CDC42BPA: variants seen among roughly 807,000 people sequenced by gnomAD.
CDC42BPA encodes the protein serine/threonine-protein kinase MRCK alpha.
CDC42BPA carries 80 observed loss-of-function variants against 223.5 expected under a neutral mutation model. That is an observed-to-expected ratio of 0.36 (90% confidence interval 0.30 to 0.43). The LOEUF is 0.43. Ranked by LOEUF, CDC42BPA falls within the 20% of genes least tolerant of loss-of-function variation. The pLI is 1.00. For synonymous variants in CDC42BPA, 694 were observed against 718.6 expected (o/e 0.97, Z 0.55); for missense variants, 1,743 against 2,099.9 (o/e 0.83, Z 3.32).
chr1:227,227,830 A>G (rs1677105542), intron 2 of CDC42BPA, among the ~76,000 whole-genome samples: 1 of 136,118 alleles, frequency 7.3e-6, no homozygotes, highest in African/African-American at 2.8e-5. Context: ...TACAAGGTCC[A>G]TATTAAAAAA....
intron 32 of CDC42BPA, among the ~76,000 whole-genome samples, chr1:227,017,573 A>G (rs1409477067): frequency 6.6e-6 from 1 of 152,190 alleles, no homozygotes; most frequent in Non-Finnish European, 1.5e-5. Context: ...GAGTAAAAAG[A>G]AGGAGCTGTG....
At chr1:227,003,716 C>T (rs1413846744) in intron 35 of CDC42BPA, among the ~76,000 whole-genome samples, 1 of 152,138 alleles carries the variant, frequency 6.6e-6, no homozygotes, top group African/African-American at 2.4e-5. Flanking sequence ...AGTAGCTGAA[C>T]CTAAGTGCAC....
intron 1 of CDC42BPA, among the ~76,000 whole-genome samples, chr1:227,276,451 CG>C (rs1453846843): frequency 6.6e-6 from 1 of 150,932 alleles, no homozygotes; most frequent in Non-Finnish European, 1.5e-5. Context: ...GGAGGGAGGT[CG>C]GGGGGCAGCC....
intron 5 of CDC42BPA, among the ~76,000 whole-genome samples, chr1:227,178,589 G>A (rs1319935561): frequency 2.6e-5 from 4 of 152,192 alleles, no homozygotes; most frequent in East Asian, 1.9e-4. Flanking sequence ...TCTACCTCCC[G>A]GATTCAAGTG....
chr1:227,130,651 T>C (rs1438946342), intron 10 of CDC42BPA, among the ~76,000 whole-genome samples: 1 of 152,002 alleles, frequency 6.6e-6, no homozygotes, highest in African/African-American at 2.4e-5. Context: ...GGTTGGGAGT[T>C]TGAGATCAGC....
intron 2 of CDC42BPA, among the ~76,000 whole-genome samples, chr1:227,231,434 A>G (rs1358199257): frequency 2.0e-5 from 3 of 152,138 alleles, no homozygotes; most frequent in Non-Finnish European, 2.9e-5. Flanking sequence ...ATAGTGCCAC[A>G]ATAAACATAT....
chr1:227,049,169 T>C (rs1239716176), intron 22 of CDC42BPA, among the ~76,000 whole-genome samples: 1 of 151,762 alleles, frequency 6.6e-6, no homozygotes, highest in Non-Finnish European at 1.5e-5. Context: ...ATACAAAAGT[T>C]AATAAAAAAC....
chr1:227,310,693 GTT>G (rs200902466), intron 1 of CDC42BPA, among the ~76,000 whole-genome samples: 44,041 of 143,220 alleles, frequency 0.31, 6,667 homozygotes, highest in East Asian at 0.37. Context: ...TTTGTTTTTT[GTT>G]TTTTTTTTTG....
At chr1:227,134,660 T>C (rs920361708) in intron 10 of CDC42BPA, among the ~76,000 whole-genome samples, 2 of 152,172 alleles carry the variant, frequency 1.3e-5, no homozygotes, top group African/African-American at 4.8e-5. Flanking sequence ...TGTTTGATAC[T>C]CAATAAACAG....
chr1:227,274,629 C>T (rs1686613493), intron 1 of CDC42BPA, among the ~76,000 whole-genome samples: 1 of 152,098 alleles, frequency 6.6e-6, no homozygotes, highest in South Asian at 2.1e-4. Flanking sequence ...CATTAAAATA[C>T]AAAGATTTCA....
chr1:227,290,625 A>C (rs1689534923), intron 1 of CDC42BPA, among the ~76,000 whole-genome samples: 1 of 152,182 alleles, frequency 6.6e-6, no homozygotes, highest in Admixed American at 6.5e-5. Context: ...TGAGCACTAT[A>C]AACAAATTTT....
At chr1:227,272,783 G>C (rs1381203880) in intron 1 of CDC42BPA, among the ~76,000 whole-genome samples, 1 of 149,190 alleles carries the variant, frequency 6.7e-6, no homozygotes, top group Non-Finnish European at 1.5e-5. Flanking sequence ...CATAAACCAA[G>C]AGTATAATGA....
At chr1:227,171,378 T>C (rs919732846) in intron 5 of CDC42BPA, among the ~76,000 whole-genome samples, 11 of 152,186 alleles carry the variant, frequency 7.2e-5, no homozygotes, top group Non-Finnish European at 1.6e-4. Context: ...TCCCAGAACT[T>C]TGGGAGGCAA....
intron 1 of CDC42BPA, among the ~76,000 whole-genome samples, chr1:227,288,504 G>T (rs1689160357): frequency 1.3e-5 from 2 of 152,184 alleles, no homozygotes; most frequent in Admixed American, 1.3e-4. Flanking sequence ...TTCAAGACCA[G>T]CCTAGCCAAC....
chr1:227,143,277 T>C (rs1660036893), intron 8 of CDC42BPA, among the ~76,000 whole-genome samples: 1 of 152,216 alleles, frequency 6.6e-6, no homozygotes, highest in African/African-American at 2.4e-5. Flanking sequence ...ATTATTCATG[T>C]ATTCTGTATT....
Position 227,029,229 on chromosome 1 carries a change from T to C in CDC42BPA, c.3860A>G (p.Asn1287Ser), listed in dbSNP as rs201692012. The C allele has an allele frequency of 2.7e-5, 42 of 1,583,808 alleles. No individual in the cohort carries two copies. The East Asian group carries it at 7.2e-4, about 27-fold the overall frequency. ...GAGTTCAATCTGATGAATCTTCTTATTGTCACCAACTCTAATAATTTCTAA... is the reference window on the plus strand; with the variant it reads ...GAGTTCAATCTGATGAATCTTCTTACTGTCACCAACTCTAATAATTTCTAA... ...TKDEIIRVGD[N>S]KKIHQIELIP... is the part of the protein sequence containing the mutation. Residue 1287 changes from asparagine to serine, a missense_variant, in exon 30 of 37, where the codon AAT becomes AGT. Asn to Ser is a conservative substitution (Grantham distance 46). This residue lies in a region of CDC42BPA where 678 missense variants were observed against 777.5 expected (regional missense o/e 0.87). Transcript: ENST00000366766.
chr1:227,126,718 T>TTA (rs760469419), intron 11 of CDC42BPA, among the ~76,000 whole-genome samples: 7 of 152,182 alleles, frequency 4.6e-5, no homozygotes, highest in Non-Finnish European at 1.0e-4. Flanking sequence ...ATTCACCATA[T>TTA]TAACAGGTTA....
At chr1:227,109,788 A>G (rs920618407) in intron 14 of CDC42BPA, among the ~76,000 whole-genome samples, 3 of 151,640 alleles carry the variant, frequency 2.0e-5, no homozygotes, top group Non-Finnish European at 2.9e-5. Flanking sequence ...TAGGGTTTAC[A>G]CAGGGTCAAG....
intron 11 of CDC42BPA, among the ~76,000 whole-genome samples, chr1:227,123,713 C>G (rs1480123614): frequency 6.6e-6 from 1 of 152,166 alleles, no homozygotes; most frequent in African/African-American, 2.4e-5. Flanking sequence ...CCCTGATCCA[C>G]AAGATGGATA....
Sources: gnomAD v4.1 joint callset for allele counts (sites outside exome capture counted in the v4.1 genomes callset) on GRCh38, gnomAD v4.1.1 for gene constraint, gnomAD v4.1.1 regional missense constraint, MANE v1.5 for transcripts, NCBI Gene and HGNC (gene_info 2026-07-23, HGNC 2026-07-21) for gene names.